Variants in INVS observed in about 807,000 individuals in gnomAD.
INVS encodes inversin.
In INVS, 86 loss-of-function variants were observed where a neutral mutation model predicts 108.8. The ratio of observed to expected loss-of-function variants is 0.79; its 90% CI spans 0.66 to 0.95. The LOEUF (loss-of-function observed/expected upper bound fraction) is 0.95, where lower values mean the gene tolerates loss of function less well. INVS is among the 40% of genes least tolerant of loss of function. The pLI is 0.00. For synonymous variants in INVS, 455 were observed against 473.5 expected (o/e 0.96, Z 0.51); for missense variants, 1,169 against 1,297.4 (o/e 0.90, Z 1.52).
intron 12 of INVS, among the ~76,000 whole-genome samples, chr9:100,282,937 T>C (rs1198088805): frequency 6.6e-6 from 1 of 152,220 alleles, no homozygotes; most frequent in Non-Finnish European, 1.5e-5. Context: ...TCTTGAGTTC[T>C]CTCTAGCCTA....
intron 1 of INVS, among the ~76,000 whole-genome samples, chr9:100,101,063 G>A (rs1290356518): frequency 1.9e-5 from 2 of 107,414 alleles, no homozygotes; most frequent in African/African-American, 7.5e-5. Flanking sequence ...ATTTATATAT[G>A]TATAATATAT....
intron 13 of INVS, among the ~76,000 whole-genome samples, chr9:100,291,116 T>C (rs1325431005): frequency 1.3e-5 from 2 of 151,784 alleles, no homozygotes; most frequent in Admixed American, 6.6e-5. Flanking sequence ...CAGGCTGGAG[T>C]GCAGTGGTGC....
At chr9:100,253,915 C>CT (rs1317994191) in intron 10 of INVS, among the ~76,000 whole-genome samples, 8 of 152,114 alleles carry the variant, frequency 5.3e-5, no homozygotes, top group Non-Finnish European at 1.0e-4. Flanking sequence ...ATTTATAATC[C>CT]TTTGGGTATA....
At chr9:100,255,562 GCT>G in intron 10 of INVS, among the ~76,000 whole-genome samples, 1 of 152,088 alleles carries the variant, frequency 6.6e-6, no homozygotes, top group Admixed American at 6.6e-5. Flanking sequence ...GTCATAAATA[GCT>G]CTTATTATTT....
chr9:100,158,808 T>G (rs944129256), intron 3 of INVS, among the ~76,000 whole-genome samples: 1 of 152,320 alleles, frequency 6.6e-6, no homozygotes, highest in East Asian at 1.9e-4. Flanking sequence ...GGGAGGTGTT[T>G]GGGTCATGGG....
chr9:100,240,973 C>A (rs1446812543), intron 6 of INVS, among the ~76,000 whole-genome samples: 1 of 151,966 alleles, frequency 6.6e-6, no homozygotes, highest in Non-Finnish European at 1.5e-5. Context: ...TTATCAAAAA[C>A]TTTTTAAAGC....
chr9:100,241,840 C>A (rs1025593507), intron 6 of INVS, among the ~76,000 whole-genome samples: 1 of 152,176 alleles, frequency 6.6e-6, no homozygotes, highest in Non-Finnish European at 1.5e-5. Context: ...GCATCTTCTT[C>A]ATTCTCCAAT....
At chr9:100,296,877 C>T in intron 14 of INVS, 40 bp from the exon 15 acceptor site, 1 of 1,507,920 alleles carries the variant, frequency 6.6e-7, no homozygotes. Context: ...TTTCTCAGTA[C>T]TGTGATCTTA....
rs778164167 is a variant in INVS at position 100,297,990 on chromosome 9, C to T, written c.3071C>T (p.Ser1024Phe). 6.2e-6 allele frequency: 10 copies of T among 1,614,190 alleles called. No homozygotes were observed. Among genetic ancestry groups the T allele is most frequent in the East Asian group, 2.2e-5 (1 of 44,884 alleles). Residue 1024 changes from serine (S) to phenylalanine (F), a missense_variant, in exon 16 of 17, where the codon TCT (serine) becomes TTT (phenylalanine). Ser to Phe is a radical substitution (Grantham distance 155, BLOSUM62 -2). This residue lies in a region of INVS where 533 missense variants were observed against 536.0 expected (regional missense o/e 0.99). Coordinates refer to ENST00000262457, the MANE Select transcript of INVS (RefSeq NM_014425.5). ...CCTACAAGATCTGTAAAAGCCTCTT[C>T]TGTGCTGCGTCTCAACTCAGGTAAG... ...HHPTRSVKAS[S>F]VLRLNSVSNL...
At chr9:100,163,217 A>T (rs899294808) in intron 3 of INVS, among the ~76,000 whole-genome samples, 2 of 138,656 alleles carry the variant, frequency 1.4e-5, no homozygotes, top group Non-Finnish European at 3.0e-5. Flanking sequence ...GCAAATGTGC[A>T]TATTTCCTCC....
intron 7 of INVS, among the ~76,000 whole-genome samples, chr9:100,246,285 T>C (rs1019343982): frequency 2.6e-4 from 39 of 152,218 alleles, no homozygotes; most frequent in African/African-American, 8.2e-4. Context: ...TGAATACTTC[T>C]GAGTTTTCTA....
At chr9:100,245,154 A>G (rs1832002249) in intron 7 of INVS, among the ~76,000 whole-genome samples, 1 of 152,202 alleles carries the variant, frequency 6.6e-6, no homozygotes, top group African/African-American at 2.4e-5. Context: ...TGATCTTTCT[A>G]AAGTTTATGT....
intron 16 of INVS, among the ~76,000 whole-genome samples, chr9:100,300,094 C>T (rs11789196): frequency 0.44 from 66,600 of 151,972 alleles, 16,475 homozygotes; most frequent in East Asian, 0.89. Context: ...GCATCCTATA[C>T]ATTTGTTAAT....
Position 100,300,664 on chromosome 9 carries a change from CA to C in INVS, c.3192del (p.Lys1064AsnfsTer42). ...TCAGCTACTCAGCCAAAAAACAAAACAAAACCTTGACTGCCTATGGAGGAAG... is the reference window on the plus strand; with the variant it reads ...TCAGCTACTCAGCCAAAAAACAAAACAAACCTTGACTGCCTATGGAGGAAG... Reference protein sequence around the residue: ...LQSATQPKNKTKP With the variant: ...LQSATQPKNKXKP On this transcript the variant is annotated frameshift_variant, in exon 17 of 17. Coordinates refer to ENST00000262457, the MANE Select transcript of INVS (RefSeq NM_014425.5). LOFTEE classifies it high-confidence loss of function. 2 of 1,611,088 alleles carry C rather than the reference CA, an allele frequency of 1.2e-6. No homozygotes were observed. Among genetic ancestry groups the C allele is most frequent in the Non-Finnish European group, 1.7e-6 (2 of 1,177,526 alleles).
intron 3 of INVS, among the ~76,000 whole-genome samples, chr9:100,166,634 T>C (rs1829373560): frequency 1.3e-5 from 2 of 152,210 alleles, no homozygotes; most frequent in South Asian, 4.1e-4. Context: ...TTAATATTTT[T>C]ATACAAAGTC....
At chr9:100,100,203 T>G (rs1368779761) in intron 1 of INVS, among the ~76,000 whole-genome samples, 1 of 152,008 alleles carries the variant, frequency 6.6e-6, no homozygotes, top group Non-Finnish European at 1.5e-5. Flanking sequence ...ATGATTTATT[T>G]TCTTAAAGGG....
chr9:100,228,052 G>A (rs910128469), intron 4 of INVS, among the ~76,000 whole-genome samples: 1 of 148,164 alleles, frequency 6.7e-6, no homozygotes, highest in East Asian at 2.0e-4. Flanking sequence ...GTGCAGTGGT[G>A]TGATCTTGGC....
rs945662537 is a variant in INVS, at chr9:100,240,030, T to C, written c.616-30T>C. The C allele has an allele frequency of 1.9e-6, 3 of 1,579,170 alleles. No homozygotes were observed. In the South Asian group the frequency reaches 3.3e-5, roughly 17 times the overall value. ...TGTAATTTATTGAGGATTCCATGTA[T>C]GTCTGAAGTCTCTGGTTCCTTCAAA... On this transcript the variant is annotated intron_variant, in intron 5 of 16. Coordinates refer to ENST00000262457, the MANE Select transcript of INVS (RefSeq NM_014425.5).
At position 100,247,452 on chromosome 9, in the gene INVS, C is replaced by T. The variant is rs1234222849; in HGVS notation, c.1078+665C>T. On this transcript the variant is annotated intron_variant, in intron 8 of 16. Coordinates refer to ENST00000262457, the MANE Select transcript of INVS (RefSeq NM_014425.5). ...GAGGTCTCTTCCTTGTGTACTGTAT[C>T]GTACTTACAACTCAGAAACAGAAGG... Among the ~76,000 whole-genome samples, 6 of 152,204 alleles carry T rather than the reference C, an allele frequency of 3.9e-5. No individual in the cohort carries two copies. The East Asian group carries it at 1.2e-3, about 29-fold the overall frequency.
Sources: gnomAD v4.1 joint callset for allele counts (sites outside exome capture counted in the v4.1 genomes callset) on GRCh38, gnomAD v4.1.1 for gene constraint, gnomAD v4.1.1 regional missense constraint, MANE v1.5 for transcripts, NCBI Gene and HGNC (gene_info 2026-07-23, HGNC 2026-07-21) for gene names.